Variants in RABGAP1L observed in about 807,000 individuals in gnomAD.
RABGAP1L encodes rab GTPase-activating protein 1-like.
A neutral mutation model predicts 137.7 loss-of-function variants in RABGAP1L; 63 were observed. The observed-to-expected ratio is 0.46, with a 90% CI of 0.37 to 0.56. The LOEUF (loss-of-function observed/expected upper bound fraction) is 0.56. RABGAP1L is among the 20% of genes least tolerant of loss of function. RABGAP1L has a pLI of 0.00. For synonymous variants in RABGAP1L, 431 were observed against 433.7 expected (o/e 0.99, Z 0.08); for missense variants, 1,095 against 1,244.0 (o/e 0.88, Z 1.80).
rs114815699 is a variant in RABGAP1L, at chr1:174,813,798, G to A, written c.2340+1838G>A. Reference sequence around the variant, plus strand: ...TGATGCCTTTGACTGAATTTTGTGGGTGGTGAGTTTGAAAGGTAGGCTTCA... The same window carrying A: ...TGATGCCTTTGACTGAATTTTGTGGATGGTGAGTTTGAAAGGTAGGCTTCA... On this transcript the variant is annotated intron_variant, in intron 19 of 25. Transcript: ENST00000681986. Among the ~76,000 whole-genome samples the A allele has an allele frequency of 7.2e-3, 1,090 of 152,296 alleles. 11 individuals are homozygous for A. Among genetic ancestry groups the A allele is most frequent in the African/African-American group, 0.025 (1,038 of 41,562 alleles).
At chr1:174,510,918 C>T (rs1662276203) in intron 13 of RABGAP1L, among the ~76,000 whole-genome samples, 2 of 152,120 alleles carry the variant, frequency 1.3e-5, no homozygotes, top group African/African-American at 4.8e-5. Flanking sequence ...ATAAAACTAT[C>T]CCCAATATTT....
At chr1:174,787,083 G>T (rs894787453) in intron 18 of RABGAP1L, among the ~76,000 whole-genome samples, 1 of 152,124 alleles carries the variant, frequency 6.6e-6, no homozygotes, top group African/African-American at 2.4e-5. Flanking sequence ...AGGCAGAGGA[G>T]GGAAGTAATG....
At chr1:174,559,707 T>C (rs1667088367) in intron 13 of RABGAP1L, among the ~76,000 whole-genome samples, 1 of 152,310 alleles carries the variant, frequency 6.6e-6, no homozygotes, top group African/African-American at 2.4e-5. Flanking sequence ...TCTATTGAAG[T>C]CCTCATGATG....
chr1:174,957,968 A>C, intron 20 of RABGAP1L: 1 of 1,570,350 alleles, frequency 6.4e-7, no homozygotes, highest in African/African-American at 1.4e-5. Flanking sequence ...AAGAGAGGGG[A>C]AAAAGAAAGT....
At chr1:174,460,865 C>T (rs1656610096) in intron 13 of RABGAP1L, among the ~76,000 whole-genome samples, 1 of 151,948 alleles carries the variant, frequency 6.6e-6, no homozygotes, top group Non-Finnish European at 1.5e-5. Flanking sequence ...GGTAGGTAGG[C>T]AGATGGATGG....
intron 10 of RABGAP1L, among the ~76,000 whole-genome samples, chr1:174,296,284 C>T (rs748082908): frequency 4.6e-5 from 7 of 152,154 alleles, no homozygotes; most frequent in Admixed American, 6.6e-5. Context: ...GTTGATTTAG[C>T]GTTAGTTGAT....
rs3084003 is a variant in RABGAP1L, at chr1:174,707,218, CTGTTTTGTTT to C, written c.2169+4989_2169+4998del. ...TTGTGATCAAGGGCAAGGTTTTGTT[CTGTTTTGTTT>C]TGTTTTGTTTTGTTTTGTTTTGTTT... On this transcript the variant is annotated intron_variant, in intron 17 of 25. Transcript: ENST00000681986. Among the ~76,000 whole-genome samples, 401 of 150,506 alleles carry C rather than the reference CTGTTTTGTTT, an allele frequency of 2.7e-3. 1 individual carries two copies. Among genetic ancestry groups the C allele is most frequent in the Middle Eastern group, 3.4e-3 (1 of 292 alleles).
chr1:174,942,210 GCTGT>G lies in RABGAP1L; in HGVS notation c.2341-15244_2341-15241del, dbSNP rs1666006774. Among the ~76,000 whole-genome samples, 11 of 152,284 alleles carry G rather than the reference GCTGT, an allele frequency of 7.2e-5. No individual in the cohort carries two copies. The South Asian group carries it at 2.3e-3, about 32-fold the overall frequency. On this transcript the variant is annotated intron_variant, in intron 19 of 25. Transcript: ENST00000681986. ...GATGTCAACAGCAGAGGAAAGTAGT[GCTGT>G]CTATGTTGTCTTCTTTCAGAAACTC...
At chr1:174,758,666 T>A (rs1684973195) in intron 18 of RABGAP1L, among the ~76,000 whole-genome samples, 1 of 152,160 alleles carries the variant, frequency 6.6e-6, no homozygotes, top group Non-Finnish European at 1.5e-5. Context: ...TATATATTAA[T>A]ATATCACATT....
intron 13 of RABGAP1L, among the ~76,000 whole-genome samples, chr1:174,631,410 T>A (rs9729150): frequency 1.9e-5 from 2 of 102,690 alleles, no homozygotes; most frequent in Non-Finnish European, 3.6e-5. Context: ...CTATTAGGTC[T>A]GCTTGGTGCA....
chr1:174,344,847 C>T (rs1336776460), intron 11 of RABGAP1L, among the ~76,000 whole-genome samples: 1 of 152,172 alleles, frequency 6.6e-6, no homozygotes, highest in Non-Finnish European at 1.5e-5. Flanking sequence ...GGGGGTATTA[C>T]TCAATAAATT....
intron 19 of RABGAP1L, among the ~76,000 whole-genome samples, chr1:174,873,100 GCT>G (rs537185734): frequency 1.0e-3 from 151 of 151,370 alleles, no homozygotes; most frequent in African/African-American, 3.4e-3. Context: ...ACAGAGTTTT[GCT>G]CTGTCGCCCA....
intron 19 of RABGAP1L, among the ~76,000 whole-genome samples, chr1:174,850,602 A>G (rs967895584): frequency 4.6e-5 from 7 of 152,220 alleles, no homozygotes; most frequent in Non-Finnish European, 7.3e-5. Flanking sequence ...TTACGTTTTC[A>G]GTAAATGTAG....
chr1:174,887,613 G>A (rs1039083068), intron 19 of RABGAP1L, among the ~76,000 whole-genome samples: 1 of 30,196 alleles, frequency 3.3e-5, no homozygotes. Context: ...GCAAAAACTT[G>A]GGGGGGGGGT....
At chr1:174,700,089 G>C (rs376465112) in intron 16 of RABGAP1L, among the ~76,000 whole-genome samples, 1 of 152,140 alleles carries the variant, frequency 6.6e-6, no homozygotes, top group Non-Finnish European at 1.5e-5. Flanking sequence ...AAATACTGTA[G>C]GGATACATTT....
intron 13 of RABGAP1L, among the ~76,000 whole-genome samples, chr1:174,535,903 G>A (rs1664852809): frequency 6.6e-6 from 1 of 152,010 alleles, no homozygotes; most frequent in Admixed American, 6.6e-5. Context: ...AACAAAAAAG[G>A]TTTGACCTTG....
intron 11 of RABGAP1L, among the ~76,000 whole-genome samples, chr1:174,307,593 A>G (rs1057213421): frequency 6.6e-6 from 1 of 152,162 alleles, no homozygotes; most frequent in Non-Finnish European, 1.5e-5. Flanking sequence ...CACTTAGCAC[A>G]GTGTTTTCTG....
chr1:174,495,273 T>C (rs2149362503), intron 13 of RABGAP1L, among the ~76,000 whole-genome samples: 1 of 152,306 alleles, frequency 6.6e-6, no homozygotes, highest in African/African-American at 2.4e-5. Flanking sequence ...GAAATTTAGC[T>C]TAGTTTCTAT....
At chr1:174,393,961 G>A (rs776706176) in intron 12 of RABGAP1L, 34 bp from the exon 13 acceptor site, 6 of 1,601,866 alleles carry the variant, frequency 3.7e-6, no homozygotes, top group Non-Finnish European at 5.1e-6. Flanking sequence ...AGTTGTAAAG[G>A]AAGTGTGAAT....
Sources: allele counts gnomAD v4.1 joint callset (sites outside exome capture counted in the v4.1 genomes callset), GRCh38; gene constraint gnomAD v4.1.1; transcripts MANE v1.5; gene names NCBI Gene and HGNC (gene_info 2026-07-23, HGNC 2026-07-21).